Variants in UHRF2 observed in about 807,000 individuals in gnomAD.
UHRF2 encodes the protein E3 ubiquitin-protein ligase UHRF2.
Under a neutral mutation model 96.8 loss-of-function variants are expected in UHRF2, and 23 were observed. The observed-to-expected ratio is 0.24, with a 90% CI of 0.17 to 0.34. UHRF2 has a LOEUF of 0.34. Ranked by LOEUF, UHRF2 falls within the 10% of genes least tolerant of loss-of-function variation. The pLI is 1.00. For missense variants in UHRF2, 685 were observed against 981.5 expected (o/e 0.70, Z 4.04); for synonymous variants, 385 against 332.6 (o/e 1.16, Z -1.72).
chr9:6,470,232 A>G (rs6477086), intron 4 of UHRF2, among the ~76,000 whole-genome samples: 48,518 of 151,902 alleles, frequency 0.32, 9,864 homozygotes, highest in African/African-American at 0.58. Flanking sequence ...ATTTAGCCAT[A>G]CGTGGTAGTG....
intron 14 of UHRF2, among the ~76,000 whole-genome samples, chr9:6,501,739 C>T (rs1033702349): frequency 7.2e-5 from 11 of 152,312 alleles, no homozygotes; most frequent in East Asian, 1.9e-4. Context: ...GACACCCAGG[C>T]GTAAGCAGAG....
At chr9:6,459,244 C>G (rs1281909599) in intron 3 of UHRF2, among the ~76,000 whole-genome samples, 1 of 152,178 alleles carries the variant, frequency 6.6e-6, no homozygotes, top group Non-Finnish European at 1.5e-5. Flanking sequence ...TGGAATCTTT[C>G]CTTTCTCTTT....
intron 3 of UHRF2, among the ~76,000 whole-genome samples, chr9:6,440,414 T>G (rs1158587414): frequency 2.0e-5 from 3 of 152,218 alleles, no homozygotes; most frequent in Non-Finnish European, 4.4e-5. Context: ...TCTATTAAAC[T>G]GTCTGACTCA....
chr9:6,452,152 G>T (rs1821912184), intron 3 of UHRF2, among the ~76,000 whole-genome samples: 1 of 151,844 alleles, frequency 6.6e-6, no homozygotes, highest in African/African-American at 2.4e-5. Context: ...TTTTATAGGA[G>T]CACAATATTC....
intron 8 of UHRF2, among the ~76,000 whole-genome samples, chr9:6,485,815 AAAAAAAAAAAAAAC>A (rs1215533928): frequency 2.9e-4 from 41 of 141,224 alleles, no homozygotes; most frequent in African/African-American, 1.2e-3. Flanking sequence ...AAAAAAAAAA[AAAAAAAAAAAAAAC>A]AAAACCCAAA....
intron 9 of UHRF2, among the ~76,000 whole-genome samples, chr9:6,493,341 G>T (rs556256974): frequency 1.7e-3 from 262 of 152,184 alleles, no homozygotes; most frequent in African/African-American, 5.9e-3. Flanking sequence ...ATTTGCTTTT[G>T]TAGTACTTAT....
At chr9:6,452,652 C>G (rs977174167) in intron 3 of UHRF2, among the ~76,000 whole-genome samples, 1 of 152,144 alleles carries the variant, frequency 6.6e-6, no homozygotes, top group African/African-American at 2.4e-5. Context: ...GACTAAGTAA[C>G]TGGATAAAGG....
At chr9:6,489,738 T>G (rs989060666) in intron 9 of UHRF2, among the ~76,000 whole-genome samples, 7 of 151,784 alleles carry the variant, frequency 4.6e-5, no homozygotes, top group South Asian at 4.2e-4. Context: ...GTTTTTTTTT[T>G]TTTTTTTTAC....
intron 3 of UHRF2, among the ~76,000 whole-genome samples, chr9:6,447,698 A>AC (rs1821601735): frequency 6.6e-6 from 1 of 152,112 alleles, no homozygotes; most frequent in African/African-American, 2.4e-5. Flanking sequence ...AAATCCATAA[A>AC]CCCCCGAGGA....
chr9:6,421,398 TTA>T (rs1448029416), intron 2 of UHRF2, among the ~76,000 whole-genome samples: 2 of 152,160 alleles, frequency 1.3e-5, no homozygotes, highest in Non-Finnish European at 2.9e-5. Flanking sequence ...GTAGATTGAT[TTA>T]AAATACTTTT....
At chr9:6,435,085 C>A (rs1820764172) in intron 3 of UHRF2, among the ~76,000 whole-genome samples, 1 of 151,976 alleles carries the variant, frequency 6.6e-6, no homozygotes, top group African/African-American at 2.4e-5. Flanking sequence ...CTCCACCTCC[C>A]CAGGTTCAAG....
rs1824809892 is a variant in UHRF2 at position 6,493,725 on chromosome 9, C to T, written c.1498-101C>T. 5 of 1,002,086 alleles carry T rather than the reference C, an allele frequency of 5.0e-6. No homozygotes were observed. The Admixed American group carries it at 1.4e-4, about 28-fold the overall frequency. The allele number at this position is 1,002,086 out of a possible 1,614,324, so 62.1% of individuals were successfully genotyped here. ...TGGGAGATGCCTCAAGAGAAAATGT[C>T]AACTCATAACATCCTAATGAAATGT... On this transcript the variant is annotated intron_variant, in intron 9 of 15. Transcript: ENST00000276893.
At chr9:6,462,270 A>G (rs555309527) in intron 4 of UHRF2, among the ~76,000 whole-genome samples, 1 of 142,974 alleles carries the variant, frequency 7.0e-6, no homozygotes, top group Non-Finnish European at 1.5e-5. Context: ...CTGCAAAGCC[A>G]AAACTACTTA....
chr9:6,459,794 A>G (rs907197539), intron 3 of UHRF2, among the ~76,000 whole-genome samples: 7 of 152,232 alleles, frequency 4.6e-5, no homozygotes, highest in African/African-American at 1.4e-4. Context: ...TGAACATAGT[A>G]AGACCCTGCT....
At position 6,462,395 on chromosome 9, in the gene UHRF2, A is replaced by G. The variant is rs550342754; in HGVS notation, c.863+1604A>G. Among the ~76,000 whole-genome samples, 14 of 152,284 alleles carry G rather than the reference A, an allele frequency of 9.2e-5. No individual in the cohort carries two copies. In the South Asian group the frequency reaches 2.1e-3, roughly 23 times the overall value. On this transcript the variant is annotated intron_variant, in intron 4 of 15. Coordinates refer to ENST00000276893, the MANE Select transcript of UHRF2 (RefSeq NM_152896.3). ...TAGAGAACAGATTTCAGAACTTCTT[A>G]CAAACAAAAGTGTGATTCTATTGCT...
At chr9:6,472,775 G>A (rs1180923145) in intron 4 of UHRF2, among the ~76,000 whole-genome samples, 1 of 152,164 alleles carries the variant, frequency 6.6e-6, no homozygotes, top group African/African-American at 2.4e-5. Flanking sequence ...TGGCAACAAT[G>A]TCTTGCGTGT....
intron 4 of UHRF2, among the ~76,000 whole-genome samples, chr9:6,466,395 C>T (rs767717058): frequency 6.6e-6 from 1 of 152,026 alleles, no homozygotes; most frequent in Non-Finnish European, 1.5e-5. Context: ...AAAATGTTAG[C>T]TGGGCATGCT....
At chr9:6,451,990 A>G (rs118022602) in intron 3 of UHRF2, among the ~76,000 whole-genome samples, 90 of 152,204 alleles carry the variant, frequency 5.9e-4, no homozygotes, top group Non-Finnish European at 1.0e-3. Context: ...ATGCATTTGT[A>G]TATATGCCAT....
At chr9:6,478,905 C>T (rs1233236243) in intron 6 of UHRF2, among the ~76,000 whole-genome samples, 1 of 152,152 alleles carries the variant, frequency 6.6e-6, no homozygotes, top group Non-Finnish European at 1.5e-5. Flanking sequence ...ATAACTATTT[C>T]CTCTGACGTC....
Sources: gnomAD v4.1 joint callset for allele counts (sites outside exome capture counted in the v4.1 genomes callset) on GRCh38, gnomAD v4.1.1 for gene constraint, MANE v1.5 for transcripts, NCBI Gene and HGNC (gene_info 2026-07-23, HGNC 2026-07-21) for gene names.